The following CDC42BPB variants were observed in gnomAD, a reference collection of about 807,000 sequenced individuals.
CDC42BPB encodes the protein CDC42 binding protein kinase beta, also known as serine/threonine-protein kinase MRCK beta.
Under a neutral mutation model 214.9 loss-of-function variants are expected in CDC42BPB, and 37 were observed. That is an observed-to-expected ratio of 0.17 (90% confidence interval 0.13 to 0.23). The LOEUF (loss-of-function observed/expected upper bound fraction) is 0.23, where lower values mean the gene tolerates loss of function less well. CDC42BPB is among the 10% of genes least tolerant of loss of function. The pLI is 1.00. For synonymous variants in CDC42BPB, 931 were observed against 884.0 expected (o/e 1.05, Z -0.94); for missense variants, 1,694 against 2,227.0 (o/e 0.76, Z 4.82).
intron 5 of CDC42BPB, among the ~76,000 whole-genome samples, chr14:102,990,066 C>T (rs1428169036): frequency 1.3e-5 from 2 of 152,044 alleles, no homozygotes; most frequent in African/African-American, 4.8e-5. Flanking sequence ...AAAGAAGGGG[C>T]GACGCTTCTG....
At chr14:103,006,107 T>C (rs980418835) in intron 3 of CDC42BPB, among the ~76,000 whole-genome samples, 5 of 151,770 alleles carry the variant, frequency 3.3e-5, no homozygotes, top group Admixed American at 3.3e-4. Flanking sequence ...AGCTTGCTAA[T>C]GTCCAGACAT....
chr14:102,949,946 G>A, intron 25 of CDC42BPB, 42 bp from the exon 26 acceptor site: 1 of 1,608,096 alleles, frequency 6.2e-7, no homozygotes, highest in Non-Finnish European at 8.5e-7. Flanking sequence ...CACCAGGCCA[G>A]GCAGGCCGCC....
At position 102,967,104 on chromosome 14, in the gene CDC42BPB, C is replaced by T; in HGVS notation, c.2413G>A (p.Ala805Thr). 6.2e-7 allele frequency: 1 copy of T among 1,614,186 alleles called. No homozygotes were observed. Among genetic ancestry groups the T allele is most frequent in the South Asian group, 1.1e-5 (1 of 91,088 alleles). The change falls in exon 17 of 37, where the codon GCA becomes ACA. Residue 805 changes from alanine to threonine, a missense_variant. Coordinates refer to ENST00000361246, the MANE Select transcript of CDC42BPB (RefSeq NM_006035.4). ...RQLEDELQDL[A>T]AKKESVAHWE... ...TGGGCCACTGACTCCTTCTTGGCTG[C>T]CAGATCCTGCAGCTCATCCTCCAGC...
At chr14:102,975,343 G>A (rs1402956999) in intron 11 of CDC42BPB, among the ~76,000 whole-genome samples, 2 of 152,138 alleles carry the variant, frequency 1.3e-5, no homozygotes, top group Non-Finnish European at 2.9e-5. Flanking sequence ...GGCCAACATG[G>A]TGAAACCCTG....
At chr14:102,981,279 G>A (rs892880926) in intron 7 of CDC42BPB, 7 of 755,714 alleles carry the variant, frequency 9.3e-6, no homozygotes, top group African/African-American at 1.9e-5. Flanking sequence ...GAAGTGGCAA[G>A]GAATGTGGGA....
chr14:102,997,971 C>T (rs554047749), intron 5 of CDC42BPB, among the ~76,000 whole-genome samples: 1 of 152,128 alleles, frequency 6.6e-6, no homozygotes, highest in Non-Finnish European at 1.5e-5. Context: ...ATGGCGAAAT[C>T]CCATCTCTAC....
chr14:103,055,199 G>A (rs1888877536), intron 1 of CDC42BPB, among the ~76,000 whole-genome samples: 1 of 152,218 alleles, frequency 6.6e-6, no homozygotes, highest in African/African-American at 2.4e-5. Flanking sequence ...GAGGCAGGTG[G>A]ATCACCCGAG....
At chr14:103,030,758 T>A (rs1226789514) in intron 1 of CDC42BPB, among the ~76,000 whole-genome samples, 1 of 151,852 alleles carries the variant, frequency 6.6e-6, no homozygotes, top group African/African-American at 2.4e-5. Context: ...CTGAGACAGG[T>A]AGATCACTTA....
chr14:102,967,609 G>A (rs773219724), intron 16 of CDC42BPB, among the ~76,000 whole-genome samples: 2 of 152,206 alleles, frequency 1.3e-5, no homozygotes, highest in South Asian at 2.1e-4. Flanking sequence ...TCAATTCCAG[G>A]CCCCAAGCCT....
At chr14:102,953,137 G>A (rs1310901566) in intron 23 of CDC42BPB, among the ~76,000 whole-genome samples, 1 of 152,282 alleles carries the variant, frequency 6.6e-6, no homozygotes, top group African/African-American at 2.4e-5. Context: ...GCTGAACAGA[G>A]GGTCGTGGTG....
intron 1 of CDC42BPB, among the ~76,000 whole-genome samples, chr14:103,054,994 G>A (rs1235556091): frequency 3.3e-5 from 5 of 152,270 alleles, no homozygotes. Context: ...CCAGGCCAGA[G>A]GCCAGTGGGA....
intron 18 of CDC42BPB, 33 bp from the exon 19 acceptor site, chr14:102,964,683 T>C (rs1893114981): frequency 6.4e-7 from 1 of 1,572,294 alleles, no homozygotes; most frequent in East Asian, 2.3e-5. Flanking sequence ...AAAAATGCAT[T>C]TTCAGTTATC....
chr14:102,939,444 G>A (rs1178848633), intron 34 of CDC42BPB, among the ~76,000 whole-genome samples, 166 bp downstream of exon 34: 1 of 152,242 alleles, frequency 6.6e-6, no homozygotes. Flanking sequence ...AAGTGCTCGT[G>A]AACAGAGCTT....
At chr14:102,941,315 C>CA in intron 30 of CDC42BPB, 3 of 985,482 alleles carry the variant, frequency 3.0e-6, no homozygotes, top group Non-Finnish European at 3.6e-6. Context: ...GGACACACCT[C>CA]ACTGTCTGAA....
chr14:103,018,143 C>T (rs893378996), intron 1 of CDC42BPB, among the ~76,000 whole-genome samples: 49 of 152,184 alleles, frequency 3.2e-4, no homozygotes, highest in African/African-American at 1.2e-3. Flanking sequence ...GGTTCGTGCT[C>T]CTATGAGAAT....
intron 1 of CDC42BPB, among the ~76,000 whole-genome samples, chr14:103,013,776 A>G (rs1229198394): frequency 6.6e-6 from 1 of 152,164 alleles, no homozygotes; most frequent in Admixed American, 6.5e-5. Context: ...GGCCTGGCTG[A>G]CGCCCTGCCT....
chr14:102,947,814 G>A lies in CDC42BPB; in HGVS notation c.3450-12C>T. On this transcript the variant is annotated splice_polypyrimidine_tract_variant and intron_variant, in intron 26 of 36. Coordinates refer to ENST00000361246, the MANE Select transcript of CDC42BPB (RefSeq NM_006035.4). ...AAAACTCGTCATCTCTGGTAAGGAA[G>A]AAACATTGACCCCGCTGGGAGACAC... The A allele has an allele frequency of 1.2e-6, 2 of 1,612,398 alleles. No homozygotes were observed. The highest frequency in any genetic ancestry group is 8.5e-7 in the Non-Finnish European group (1 of 1,179,766).
intron 16 of CDC42BPB, 61 bp from the exon 17 acceptor site, chr14:102,967,231 T>A: frequency 1.3e-6 from 2 of 1,547,152 alleles, no homozygotes; most frequent in East Asian, 4.6e-5. Context: ...GTATGCTGGA[T>A]TTAACACTGG....
chr14:102,981,500 G>A (rs1340052961), intron 7 of CDC42BPB, among the ~76,000 whole-genome samples: 1 of 152,194 alleles, frequency 6.6e-6, no homozygotes, highest in African/African-American at 2.4e-5. Flanking sequence ...AAAGATACCG[G>A]CTGGGCACAG....
Sources: allele counts gnomAD v4.1 joint callset (sites outside exome capture counted in the v4.1 genomes callset), GRCh38; gene constraint gnomAD v4.1.1; transcripts MANE v1.5; gene names NCBI Gene and HGNC (gene_info 2026-07-23, HGNC 2026-07-21).